RB1: variants seen among roughly 807,000 people sequenced by gnomAD.
The protein encoded by RB1 is RB transcriptional corepressor 1, also known as retinoblastoma-associated protein.
RB1 carries 18 observed loss-of-function variants against 135.4 expected under a neutral mutation model. The ratio of observed to expected loss-of-function variants is 0.13; its 90% CI spans 0.09 to 0.20. The LOEUF is 0.20. RB1 is among the 10% of genes least tolerant of loss of function. RB1 has a pLI of 1.00. For synonymous variants in RB1, 365 were observed against 373.2 expected (o/e 0.98, Z 0.25); for missense variants, 868 against 1,110.0 (o/e 0.78, Z 3.10).
Position 48,404,012 on chromosome 13 carries a change from A to G in RB1, c.1695+22569A>G, listed in dbSNP as rs7981869. 2.9e-3 allele frequency among the ~76,000 whole-genome samples: 435 copies of G among 152,040 alleles called. 2 individuals are homozygous for G. The highest frequency in any genetic ancestry group is 1.0e-2 in the African/African-American group (414 of 41,450). On this transcript the variant is annotated intron_variant, in intron 17 of 26. Transcript: ENST00000267163. ...TGAGACACTGTCTCAAAGAAAAACG[A>G]AAAAAAAGCACCTTCCTCTTTACTA...
chr13:48,304,143 C>T lies in RB1; in HGVS notation c.137+94C>T, dbSNP rs191994935. 2,420 of 1,271,346 alleles carry T rather than the reference C, an allele frequency of 1.9e-3. 44 individuals carry two copies. In the African/African-American group the frequency reaches 0.035, roughly 18 times the overall value. The allele number at this position is 1,271,346 out of a possible 1,614,324, so 78.8% of individuals were successfully genotyped here. ...AGGCGGCTCGGCGGGGATCCGTCCT[C>T]GCCAGGGGCCGGGTCCCGGCGGGAG... On this transcript the variant is annotated intron_variant, in intron 1 of 26. Coordinates refer to ENST00000267163, the MANE Select transcript of RB1 (RefSeq NM_000321.3).
In RB1 at chr13:48,367,594, C is replaced by G. The variant is rs2138121506; in HGVS notation, c.1040C>G (p.Ser347Cys). 1 of 1,603,698 alleles carries G rather than the reference C, an allele frequency of 6.2e-7. No individual in the cohort carries two copies. The highest frequency in any genetic ancestry group is 8.5e-7 in the Non-Finnish European group (1 of 1,173,584). Residue 347 changes from serine to cysteine, a missense_variant, in exon 10 of 27, where the codon TCT becomes TGT. Coordinates refer to ENST00000267163, the MANE Select transcript of RB1 (RefSeq NM_000321.3). ...LDHDKTLQTD[S>C]IDSFETQRTP... ...CATGATAAAACTCTTCAGACTGATT[C>G]TATAGACAGGTATTGCACATGGTAT...
chr13:48,473,667 G>T (rs537206244), intron 24 of RB1, among the ~76,000 whole-genome samples: 3 of 151,928 alleles, frequency 2.0e-5, no homozygotes, highest in African/African-American at 7.3e-5. Flanking sequence ...ACATATATAC[G>T]TGAGCTGTTT....
chr13:48,367,441 G>T, intron 9 of RB1, 53 bp from the exon 10 acceptor site: 2 of 1,574,060 alleles, frequency 1.3e-6, no homozygotes, highest in South Asian at 1.1e-5. Context: ...TCTGTGTGCT[G>T]AGAGATGTAA....
At position 48,479,988 on chromosome 13, in the gene RB1, C is replaced by G; in HGVS notation, c.2714-10C>G. On this transcript the variant is annotated splice_polypyrimidine_tract_variant and intron_variant, in intron 26 of 26. Coordinates refer to ENST00000267163, the MANE Select transcript of RB1 (RefSeq NM_000321.3). ...TCAATGCTGTTAACAGTTCTTCATC[C>G]TTTTTCCAGCTTCTACTCGAACACG... The G allele has an allele frequency of 1.2e-6, 2 of 1,611,042 alleles. No homozygotes were observed. Among genetic ancestry groups the G allele is most frequent in the Non-Finnish European group, 1.7e-6 (2 of 1,177,872 alleles).
rs778758342 is a variant in RB1, at chr13:48,480,096, T to C, written c.*25T>C. The C allele has an allele frequency of 3.2e-6, 5 of 1,545,952 alleles. No individual in the cohort carries two copies. The highest frequency in any genetic ancestry group is 4.5e-6 in the Non-Finnish European group (5 of 1,119,286). ...AGGATCTCAGGACCTTGGTGGACAC[T>C]GTGTACACCTCTGGATTCATTGTCT... On this transcript the variant is annotated 3_prime_UTR_variant, in exon 27 of 27. Transcript: ENST00000267163.
intron 17 of RB1, chr13:48,412,096 T>TA (rs780539841): frequency 6.2e-6 from 10 of 1,613,304 alleles, no homozygotes; most frequent in Non-Finnish European, 6.8e-6. Flanking sequence ...TCTACACTAA[T>TA]ACAGGTTAAG....
intron 1 of RB1, among the ~76,000 whole-genome samples, chr13:48,306,868 A>G (rs1952084839): frequency 6.6e-6 from 1 of 152,246 alleles, no homozygotes; most frequent in South Asian, 2.1e-4. Flanking sequence ...TATATGAAAC[A>G]TTGATAAGAG....
rs1475201975 is a variant in RB1, at chr13:48,480,034, A to G, written c.2750A>G (p.Asn917Ser). 6.2e-7 allele frequency: 1 copy of G among 1,613,540 alleles called. No homozygotes were observed. The highest frequency in any genetic ancestry group is 1.1e-5 in the South Asian group (1 of 91,062). Reference protein sequence around the residue: ...TRTRMQKQKMNDSMDTSNKEE... With the variant: ...TRTRMQKQKMSDSMDTSNKEE... ...ACACGAATGCAAAAGCAGAAAATGA[A>G]TGATAGCATGGATACCTCAAACAAG... is the stretch of plus-strand genomic sequence containing the variant. The change falls in exon 27 of 27, where the codon AAT becomes AGT. Residue 917 changes from asparagine (N) to serine (S), a missense_variant. Physicochemically the swap from Asn to Ser is conservative, Grantham distance 46 (BLOSUM62 1). This residue lies in a region of RB1 where 196 missense variants were observed against 239.8 expected (regional missense o/e 0.82). Transcript: ENST00000267163.
intron 17 of RB1, among the ~76,000 whole-genome samples, chr13:48,401,814 A>T (rs993728997): frequency 6.6e-6 from 1 of 152,172 alleles, no homozygotes; most frequent in African/African-American, 2.4e-5. Context: ...TACTTTGCTA[A>T]GTTTCAGTGG....
At chr13:48,353,545 A>G (rs1952566679) in intron 6 of RB1, among the ~76,000 whole-genome samples, 1 of 152,174 alleles carries the variant, frequency 6.6e-6, no homozygotes, top group African/African-American at 2.4e-5. Context: ...TCCTACTTAC[A>G]GTATTCTGGA....
At chr13:48,455,039 A>G (rs1328296771) in intron 18 of RB1, among the ~76,000 whole-genome samples, 2 of 152,184 alleles carry the variant, frequency 1.3e-5, no homozygotes, top group African/African-American at 2.4e-5. Context: ...TTTGGAGACT[A>G]TTTCTGTAGT....
At chr13:48,449,276 G>A (rs914337187) in intron 17 of RB1, among the ~76,000 whole-genome samples, 2 of 152,160 alleles carry the variant, frequency 1.3e-5, no homozygotes, top group African/African-American at 2.4e-5. Flanking sequence ...TAGAAACTCT[G>A]AGCACCTGGA....
At chr13:48,327,403 T>C (rs1952297602) in intron 2 of RB1, among the ~76,000 whole-genome samples, 1 of 152,170 alleles carries the variant, frequency 6.6e-6, no homozygotes, top group Admixed American at 6.5e-5. Context: ...GCAAATGGTT[T>C]TTCTTTGAAG....
intron 11 of RB1, among the ~76,000 whole-genome samples, chr13:48,372,963 A>G (rs1952777161): frequency 6.6e-6 from 1 of 152,194 alleles, no homozygotes; most frequent in Admixed American, 6.5e-5. Context: ...CCAGGATCTT[A>G]GTATCCTTTC....
chr13:48,319,309 G>A lies in RB1; in HGVS notation c.264+11903G>A. 1.6e-6 allele frequency: 1 copy of A among 634,190 alleles called. No homozygotes were observed. Among genetic ancestry groups the A allele is most frequent in the Non-Finnish European group, 2.6e-6 (1 of 382,278 alleles). The allele number at this position is 634,190 out of a possible 1,614,324, so 39.3% of individuals were successfully genotyped here. On this transcript the variant is annotated intron_variant, in intron 2 of 26. Transcript: ENST00000267163. This position sits in a 1 kb window ranked among gnomAD's most constrained non-coding sequence, Gnocchi z 5.0. Reference sequence around the variant, plus strand: ...GTCAGGCGTCCTCTCTCCTCCCGGCGCTGGGCCCTCTGGGGCAGGTCCCCG... The same window carrying A: ...GTCAGGCGTCCTCTCTCCTCCCGGCACTGGGCCCTCTGGGGCAGGTCCCCG...
At chr13:48,329,212 G>A (rs997988211) in intron 2 of RB1, among the ~76,000 whole-genome samples, 1 of 152,060 alleles carries the variant, frequency 6.6e-6, no homozygotes, top group African/African-American at 2.4e-5. Context: ...TCATTTATAT[G>A]CATCTTGATA....
At chr13:48,476,987 T>C in intron 25 of RB1, 144 bp downstream of exon 25, 1 of 1,057,806 alleles carries the variant, frequency 9.5e-7, no homozygotes, top group Non-Finnish European at 1.4e-6. Context: ...ATAATAGATA[T>C]GAGTGTAGTG....
chr13:48,352,598 T>C (rs1018962827), intron 6 of RB1, among the ~76,000 whole-genome samples: 1 of 152,150 alleles, frequency 6.6e-6, no homozygotes, highest in Non-Finnish European at 1.5e-5. Flanking sequence ...TATTCCTATG[T>C]ATTCTTTTTG....
Sources: gnomAD v4.1 joint callset for allele counts (sites outside exome capture counted in the v4.1 genomes callset) on GRCh38, gnomAD v4.1.1 for gene constraint, gnomAD v4.1.1 regional missense constraint, Gnocchi (gnomAD v3.1) non-coding constraint, MANE v1.5 for transcripts, NCBI Gene and HGNC (gene_info 2026-07-23, HGNC 2026-07-21) for gene names.